CDH4: variants seen among roughly 807,000 people sequenced by gnomAD.
The protein encoded by CDH4 is cadherin-4.
In CDH4, 33 loss-of-function variants were observed where a neutral mutation model predicts 86.0. The ratio of observed to expected loss-of-function variants is 0.38; its 90% CI spans 0.29 to 0.51. The LOEUF (loss-of-function observed/expected upper bound fraction) is 0.51. Ranked by LOEUF, CDH4 falls within the 20% of genes least tolerant of loss-of-function variation. The probability of loss-of-function intolerance (pLI) is 0.86; values close to 1 mark genes in which losing one functional copy is unlikely to be tolerated. For synonymous variants in CDH4, 555 were observed against 549.4 expected (o/e 1.01, Z -0.14); for missense variants, 1,114 against 1,307.4 (o/e 0.85, Z 2.28).
chr20:61,550,535 A>G (rs2086121916), intron 2 of CDH4, among the ~76,000 whole-genome samples: 1 of 149,660 alleles, frequency 6.7e-6, no homozygotes, highest in African/African-American at 2.5e-5. Flanking sequence ...CACCCCATCT[A>G]CCCACCCCTC....
chr20:61,905,030 C>T (rs1427880614), intron 8 of CDH4, among the ~76,000 whole-genome samples: 1 of 152,150 alleles, frequency 6.6e-6, no homozygotes, highest in South Asian at 2.1e-4. Flanking sequence ...GGAAGGCCCT[C>T]GTAGGAAGAC....
intron 2 of CDH4, among the ~76,000 whole-genome samples, chr20:61,590,037 G>A (rs1286564658): frequency 2.6e-5 from 4 of 152,076 alleles, no homozygotes; most frequent in Non-Finnish European, 5.9e-5. Context: ...CCTGGGTGGG[G>A]AAGGACTCGG....
chr20:61,334,443 G>A (rs994336599), intron 2 of CDH4, among the ~76,000 whole-genome samples: 2 of 152,078 alleles, frequency 1.3e-5, no homozygotes, highest in Non-Finnish European at 2.9e-5. Flanking sequence ...ATAACAAACC[G>A]CCTGAGACCG....
At chr20:61,513,264 G>T (rs1568871957) in intron 2 of CDH4, among the ~76,000 whole-genome samples, 1 of 152,238 alleles carries the variant, frequency 6.6e-6, no homozygotes, top group Non-Finnish European at 1.5e-5. Flanking sequence ...CACGGGCTGT[G>T]ATGCCACAAG....
chr20:61,560,178 CCAGA>C (rs749045967), intron 2 of CDH4, among the ~76,000 whole-genome samples: 14 of 152,282 alleles, frequency 9.2e-5, no homozygotes, highest in Middle Eastern at 3.4e-3. Context: ...CATCAGCATC[CCAGA>C]CAGTGAATCC....
intron 2 of CDH4, among the ~76,000 whole-genome samples, chr20:61,261,589 C>T (rs1361597222): frequency 6.6e-6 from 1 of 152,116 alleles, no homozygotes; most frequent in Non-Finnish European, 1.5e-5. Flanking sequence ...GGAGATTGGC[C>T]TAAGGGTAGG....
chr20:61,685,660 C>T (rs935944432), intron 2 of CDH4, among the ~76,000 whole-genome samples: 1 of 152,208 alleles, frequency 6.6e-6, no homozygotes, highest in African/African-American at 2.4e-5. Context: ...ACTACGTCAC[C>T]CACACCCCTT....
At chr20:61,868,599 G>A (rs1213019574) in intron 6 of CDH4, among the ~76,000 whole-genome samples, 1 of 152,226 alleles carries the variant, frequency 6.6e-6, no homozygotes, top group East Asian at 1.9e-4. Context: ...TCCATGCTGG[G>A]CAGATGTCCC....
chr20:61,917,208 C>T (rs1434097002), intron 9 of CDH4, among the ~76,000 whole-genome samples: 1 of 152,232 alleles, frequency 6.6e-6, no homozygotes, highest in African/African-American at 2.4e-5. Context: ...TGCCACCTCC[C>T]AGGCTCTACC....
At chr20:61,302,854 A>G (rs2084393499) in intron 2 of CDH4, among the ~76,000 whole-genome samples, 1 of 152,170 alleles carries the variant, frequency 6.6e-6, no homozygotes, top group Non-Finnish European at 1.5e-5. Flanking sequence ...ATAGAACCCC[A>G]AGGTCCCTTC....
At chr20:61,682,832 T>G (rs1346592972) in intron 2 of CDH4, among the ~76,000 whole-genome samples, 1 of 152,102 alleles carries the variant, frequency 6.6e-6, no homozygotes, top group Non-Finnish European at 1.5e-5. Context: ...TTTATGGCAT[T>G]TGTTATGGAA....
intron 2 of CDH4, among the ~76,000 whole-genome samples, chr20:61,567,017 G>A (rs1199376196): frequency 6.6e-6 from 1 of 152,198 alleles, no homozygotes. Flanking sequence ...TGGACACTGA[G>A]GAGCTCTGTG....
chr20:61,625,526 G>A (rs960951832), intron 2 of CDH4, among the ~76,000 whole-genome samples: 4 of 152,218 alleles, frequency 2.6e-5, no homozygotes, highest in Non-Finnish European at 5.9e-5. Flanking sequence ...CAGGAATAAC[G>A]ATCATCTGCT....
Position 61,508,724 on chromosome 20 carries a change from T to C in CDH4, c.170-234839T>C, listed in dbSNP as rs116175169. On this transcript the variant is annotated intron_variant, in intron 2 of 15. Coordinates refer to ENST00000614565, the MANE Select transcript of CDH4 (RefSeq NM_001794.5). Reference sequence around the variant, plus strand: ...CGCTGCCCCACCTGGAATGCCTGGCTCAGCCTGGGTGGCCACCGGGATTTG... The same window carrying C: ...CGCTGCCCCACCTGGAATGCCTGGCCCAGCCTGGGTGGCCACCGGGATTTG... Among the ~76,000 whole-genome samples the C allele has an allele frequency of 6.7e-3, 1,028 of 152,326 alleles. 17 individuals are homozygous for C. The highest frequency in any genetic ancestry group is 0.023 in the African/African-American group (937 of 41,586).
chr20:61,504,727 G>A (rs1016067065), intron 2 of CDH4, among the ~76,000 whole-genome samples: 2 of 152,212 alleles, frequency 1.3e-5, no homozygotes, highest in African/African-American at 2.4e-5. Context: ...ATGCAAATCT[G>A]ACTAATGGCC....
intron 9 of CDH4, among the ~76,000 whole-genome samples, chr20:61,911,421 TATATC>T (rs2122930707): frequency 6.6e-6 from 1 of 152,358 alleles, no homozygotes; most frequent in African/African-American, 2.4e-5. Context: ...GATTGGGAAT[TATATC>T]ATAACACTTA....
intron 2 of CDH4, among the ~76,000 whole-genome samples, chr20:61,613,674 A>G (rs2086703357): frequency 6.6e-6 from 1 of 151,712 alleles, no homozygotes; most frequent in Non-Finnish European, 1.5e-5. Context: ...AGGTAAAAGA[A>G]GCAGAGGGAT....
chr20:61,407,120 A>G (rs2145486678), intron 2 of CDH4, among the ~76,000 whole-genome samples: 1 of 152,338 alleles, frequency 6.6e-6, no homozygotes, highest in Middle Eastern at 3.4e-3. Flanking sequence ...CCAAGCAAAG[A>G]TGTACCACTT....
intron 2 of CDH4, among the ~76,000 whole-genome samples, chr20:61,460,884 C>T (rs1404905513): frequency 6.6e-6 from 1 of 152,156 alleles, no homozygotes; most frequent in East Asian, 1.9e-4. Context: ...AATGATATTA[C>T]TGTTATTCCC....
Sources: allele counts gnomAD v4.1 joint callset (sites outside exome capture counted in the v4.1 genomes callset), GRCh38; gene constraint gnomAD v4.1.1; transcripts MANE v1.5; gene names NCBI Gene and HGNC (gene_info 2026-07-23, HGNC 2026-07-21).